Variants in WNK2 observed in about 807,000 individuals in gnomAD.
WNK2 encodes the protein WNK lysine deficient protein kinase 2.
WNK2 carries 67 observed loss-of-function variants against 192.1 expected under a neutral mutation model. The ratio of observed to expected loss-of-function variants is 0.35; its 90% CI spans 0.29 to 0.43. The LOEUF (loss-of-function observed/expected upper bound fraction) is 0.43, where lower values mean the gene tolerates loss of function less well. Among genes scored for constraint, WNK2 ranks in the 20% least tolerant of loss-of-function variants. The pLI, the probability that WNK2 is intolerant of heterozygous loss-of-function variation, is 1.00. For synonymous variants in WNK2, 1,439 were observed against 1,393.9 expected, an observed-to-expected ratio of 1.03 and a Z score of -0.72; for missense variants, 2,698 against 3,089.7, an observed-to-expected ratio of 0.87 and a Z score of 3.01.
intron 26 of WNK2, among the ~76,000 whole-genome samples, chr9:93,301,949 G>A (rs1851684838): frequency 6.6e-6 from 1 of 152,178 alleles, no homozygotes; most frequent in Admixed American, 6.5e-5. Flanking sequence ...AGCCCAGGTG[G>A]GCCTCTGCCC....
chr9:93,228,362 C>T (rs758409068), intron 2 of WNK2, among the ~76,000 whole-genome samples: 4 of 152,152 alleles, frequency 2.6e-5, no homozygotes, highest in African/African-American at 4.8e-5. Flanking sequence ...TGGGCCTTTC[C>T]GGAAGGATCC....
At chr9:93,240,085 A>ACACCCACT in intron 7 of WNK2, 109 bp downstream of exon 7, 1 of 1,165,220 alleles carries the variant, frequency 8.6e-7, no homozygotes, top group Non-Finnish European at 1.2e-6. Flanking sequence ...GGGGACTGCA[A>ACACCCACT]GGCCAGTGGG....
intron 28 of WNK2, among the ~76,000 whole-genome samples, chr9:93,313,502 T>C (rs1381437574): frequency 2.6e-5 from 4 of 152,142 alleles, no homozygotes; most frequent in African/African-American, 9.6e-5. Flanking sequence ...AGTTTTTCTT[T>C]ATATTGCCTT....
At chr9:93,312,452 G>A (rs76128479) in intron 28 of WNK2, among the ~76,000 whole-genome samples, 9,276 of 151,758 alleles carry the variant, frequency 0.061, 343 homozygotes, top group African/African-American at 0.1. Flanking sequence ...TCAGCTCACC[G>A]CAACCTCTGC....
chr9:93,229,911 G>C lies in WNK2; in HGVS notation c.854+43G>C, dbSNP rs373843663. The C allele has an allele frequency of 1.8e-5, 28 of 1,596,262 alleles. No homozygotes were observed. The South Asian group carries it at 2.8e-4, about 16-fold the overall frequency. ...AGGGCTGGGGCGGGTCCTGGCATGG[G>C]TGCAGGGCTACCATAGCTGAGGGTG... On this transcript the variant is annotated intron_variant, in intron 3 of 29. Transcript: ENST00000427277. The surrounding 1 kb of genome is among the most constrained non-coding windows in gnomAD (Gnocchi z 4.9).
At chr9:93,198,836 C>T (rs1256528161) in intron 2 of WNK2, among the ~76,000 whole-genome samples, 2 of 152,344 alleles carry the variant, frequency 1.3e-5, no homozygotes, top group South Asian at 2.1e-4. Context: ...TCCAGCCCTG[C>T]CCTCTTGCCC....
At chr9:93,313,134 T>C (rs1853971140) in intron 28 of WNK2, among the ~76,000 whole-genome samples, 1 of 152,254 alleles carries the variant, frequency 6.6e-6, no homozygotes, top group African/African-American at 2.4e-5. Flanking sequence ...CATGGCTTCC[T>C]TCAGTTCTTC....
Position 93,247,852 on chromosome 9 carries a change from G to C in WNK2, c.1834+18G>C, listed in dbSNP as rs1008135537. On this transcript the variant is annotated intron_variant, in intron 8 of 29. Transcript: ENST00000427277. This position sits in a 1 kb window ranked among gnomAD's most constrained non-coding sequence, Gnocchi z 5.2. ...CCTGGCCTGTGAGTGCTCAGGGGTG[G>C]GATGGCCATGGGCACCCCTCCCACC... 2 of 1,532,786 alleles carry C rather than the reference G, an allele frequency of 1.3e-6. No individual in the cohort carries two copies. The highest frequency in any genetic ancestry group is 4.0e-5 in the Admixed American group (2 of 50,542). 94.9% of individuals were successfully genotyped at this position (1,532,786 alleles called of 1,614,324 possible). A position where few individuals can be genotyped will look rare whatever the true frequency, so the allele number is the denominator to read the frequency against.
intron 28 of WNK2, chr9:93,308,861 C>G: frequency 7.6e-7 from 1 of 1,323,124 alleles, no homozygotes; most frequent in Non-Finnish European, 9.7e-7. Flanking sequence ...AGCAGCAGCC[C>G]CAGCCTGGGC....
intron 27 of WNK2, chr9:93,307,211 C>G (rs1330594350): frequency 4.6e-6 from 1 of 215,778 alleles, no homozygotes; most frequent in African/African-American, 2.3e-5. Flanking sequence ...TATTAGTCTC[C>G]TTGGGCCACT....
chr9:93,219,603 C>CA lies in WNK2; in HGVS notation c.682-10093_682-10092insA, dbSNP rs1564015359. On this transcript the variant is annotated intron_variant, in intron 2 of 29. Coordinates refer to ENST00000427277, the MANE Select transcript of WNK2 (RefSeq NM_006648.4). Reference sequence around the variant, plus strand: ...CTGTCCACAGAGGGCTGGGCAGGCGCCTACTCAGGGTAGTGTGGGCCGAGG... The same window carrying CA: ...CTGTCCACAGAGGGCTGGGCAGGCGCACTACTCAGGGTAGTGTGGGCCGAGG... Among the ~76,000 whole-genome samples the CA allele has an allele frequency of 7.9e-5, 12 of 152,346 alleles. No homozygotes were observed. The East Asian group carries it at 9.6e-4, about 12-fold the overall frequency.
intron 26 of WNK2, among the ~76,000 whole-genome samples, chr9:93,301,631 G>A (rs1049699279): frequency 6.6e-6 from 1 of 152,272 alleles, no homozygotes; most frequent in South Asian, 2.1e-4. Flanking sequence ...GCCGGCTGTG[G>A]TTCCTTCTCC....
chr9:93,188,842 A>G (rs531132252), intron 2 of WNK2, among the ~76,000 whole-genome samples: 5 of 152,274 alleles, frequency 3.3e-5, no homozygotes, highest in South Asian at 2.1e-4. Flanking sequence ...TGAGGCCACA[A>G]TACAGCAACG....
At chr9:93,270,458 G>A (rs902281125) in intron 19 of WNK2, among the ~76,000 whole-genome samples, 1 of 152,230 alleles carries the variant, frequency 6.6e-6, no homozygotes, top group Non-Finnish European at 1.5e-5. Context: ...ATTGATGTGT[G>A]ACACAGCTGT....
At chr9:93,213,784 C>T (rs1835213794) in intron 2 of WNK2, among the ~76,000 whole-genome samples, 1 of 151,614 alleles carries the variant, frequency 6.6e-6, no homozygotes, top group South Asian at 2.1e-4. Context: ...AGCAAAACTC[C>T]ATCTCAAAAA....
chr9:93,255,437 C>T (rs924194411), intron 9 of WNK2, among the ~76,000 whole-genome samples: 1 of 152,210 alleles, frequency 6.6e-6, no homozygotes, highest in East Asian at 1.9e-4. Flanking sequence ...ATCCTCCACT[C>T]CCTGGCTTCA....
intron 2 of WNK2, among the ~76,000 whole-genome samples, chr9:93,187,362 G>A (rs572320646): frequency 1.8e-4 from 27 of 152,270 alleles, no homozygotes; most frequent in South Asian, 1.7e-3. Flanking sequence ...ACCGAGAGGT[G>A]CTTCTGGTCT....
intron 19 of WNK2, among the ~76,000 whole-genome samples, chr9:93,278,560 T>C (rs1847277193): frequency 6.6e-6 from 1 of 152,212 alleles, no homozygotes; most frequent in Admixed American, 6.5e-5. Flanking sequence ...CTGTCAGATC[T>C]TAAGAGCAGG....
intron 2 of WNK2, among the ~76,000 whole-genome samples, chr9:93,220,528 C>T (rs1200307218): frequency 6.6e-5 from 10 of 152,098 alleles, no homozygotes; most frequent in Non-Finnish European, 2.9e-5. Flanking sequence ...CCCTGCAGCC[C>T]AGCCAGGAGC....
Sources: allele counts gnomAD v4.1 joint callset (sites outside exome capture counted in the v4.1 genomes callset), GRCh38; gene constraint gnomAD v4.1.1; non-coding constraint Gnocchi (gnomAD v3.1); transcripts MANE v1.5; gene names NCBI Gene and HGNC (gene_info 2026-07-23, HGNC 2026-07-21).